The following CACNA1E variants were observed in gnomAD, a reference collection of about 807,000 sequenced individuals.
The protein encoded by CACNA1E is calcium voltage-gated channel subunit alpha1 E.
Under a neutral mutation model 259.2 loss-of-function variants are expected in CACNA1E, and 40 were observed. That is an observed-to-expected ratio of 0.15 (90% CI 0.12 to 0.20). CACNA1E has a LOEUF of 0.20. Ranked by LOEUF, CACNA1E falls within the 10% of genes least tolerant of loss-of-function variation. The pLI is 1.00. For synonymous variants in CACNA1E, 1,104 were observed against 1,138.5 expected (o/e 0.97, Z 0.61); for missense variants, 1,874 against 3,040.1 (o/e 0.62, Z 9.02).
At chr1:181,681,896 G>A (rs4375216) in intron 7 of CACNA1E, among the ~76,000 whole-genome samples, 17,914 of 152,190 alleles carry the variant, frequency 0.12, 1,104 homozygotes, top group Middle Eastern at 0.16. Flanking sequence ...TCTACAACCA[G>A]GGATGGGGAA....
Position 181,805,343 on chromosome 1 carries a change from C to T in CACNA1E, c.*6509C>T, listed in dbSNP as rs2102941522. On this transcript the variant is annotated 3_prime_UTR_variant, in exon 48 of 48. Transcript: ENST00000367573. ...GGCCTATATGGCACAAGAACCACCA[C>T]TTAAAGCAAATCTGTTGAACATTTT... 6.6e-6 allele frequency: 1 copy of T among 152,258 alleles called. No individual in the cohort carries two copies. Among genetic ancestry groups the T allele is most frequent in the African/African-American group, 2.4e-5 (1 of 41,546 alleles). The allele number at this position is 152,258 out of a possible 1,614,324, so 9.4% of individuals were successfully genotyped here.
chr1:181,508,540 T>C (rs1665910932), intron 1 of CACNA1E, among the ~76,000 whole-genome samples: 1 of 152,216 alleles, frequency 6.6e-6, no homozygotes, highest in South Asian at 2.1e-4. Context: ...ACCTAGGCTG[T>C]TCAGAAGGCT....
chr1:181,389,323 G>T (rs905828803), intron 1 of CACNA1E, among the ~76,000 whole-genome samples: 1 of 152,218 alleles, frequency 6.6e-6, no homozygotes, highest in African/African-American at 2.4e-5. Flanking sequence ...AGGGGCCCTT[G>T]TGTACAGCAT....
chr1:181,767,506 C>T (rs755557860), intron 35 of CACNA1E, among the ~76,000 whole-genome samples: 12 of 152,220 alleles, frequency 7.9e-5, no homozygotes, highest in Non-Finnish European at 1.5e-4. Context: ...CTGCCTTGGG[C>T]CTGCTGGCTG....
In CACNA1E at chr1:181,801,899, A is replaced by G. The variant is rs1406159066; in HGVS notation, c.*3065A>G. The G allele has an allele frequency of 2.6e-5, 4 of 152,280 alleles. No individual in the cohort carries two copies. The highest frequency in any genetic ancestry group is 5.9e-5 in the Non-Finnish European group (4 of 68,058). 9.4% of individuals were successfully genotyped at this position (152,280 alleles called of 1,614,324 possible). A position where few individuals can be genotyped will look rare whatever the true frequency, so the allele number is the denominator to read the frequency against. ...CTCAAAACAAGAGCAAAGCCAAGAT[A>G]GAGGAAGGTAAAAGGAGGAGGAAAG... On this transcript the variant is annotated 3_prime_UTR_variant, in exon 48 of 48. Transcript: ENST00000367573.
At chr1:181,782,811 G>A (rs1050120129) in intron 39 of CACNA1E, among the ~76,000 whole-genome samples, 1 of 152,222 alleles carries the variant, frequency 6.6e-6, no homozygotes, top group Non-Finnish European at 1.5e-5. Flanking sequence ...ACATCCAAAA[G>A]TACCAGGTGG....
At position 181,765,907 on chromosome 1, in the gene CACNA1E, C is replaced by T. The variant is rs139659731; in HGVS notation, c.4816-639C>T. On this transcript the variant is annotated intron_variant, in intron 34 of 47. Coordinates refer to ENST00000367573, the MANE Select transcript of CACNA1E (RefSeq NM_001205293.3). ...TTATCCCAAAGTGGCAATAAGCATGCGCAGTATGGAATTTTGTGCCACATG... is the reference window on the plus strand; with the variant it reads ...TTATCCCAAAGTGGCAATAAGCATGTGCAGTATGGAATTTTGTGCCACATG... Among the ~76,000 whole-genome samples the T allele has an allele frequency of 3.8e-3, 578 of 152,294 alleles. 5 individuals are homozygous for T. Among genetic ancestry groups the T allele is most frequent in the African/African-American group, 0.013 (545 of 41,552 alleles).
At chr1:181,570,367 C>G (rs567101388) in intron 3 of CACNA1E, among the ~76,000 whole-genome samples, 83 of 152,280 alleles carry the variant, frequency 5.5e-4, no homozygotes, top group African/African-American at 1.9e-3. Flanking sequence ...AACAGCAAGA[C>G]AGTTGATGTT....
At chr1:181,599,434 G>A (rs763158551) in intron 6 of CACNA1E, among the ~76,000 whole-genome samples, 3 of 152,122 alleles carry the variant, frequency 2.0e-5, no homozygotes, top group Non-Finnish European at 4.4e-5. Context: ...GATCCCTCAA[G>A]CTTCATCTTA....
At chr1:181,372,828 A>ATATATATT (rs1491221060) in intron 1 of CACNA1E, among the ~76,000 whole-genome samples, 1 of 101,642 alleles carries the variant, frequency 9.8e-6, no homozygotes, top group East Asian at 2.4e-4. Context: ...ATATATATAT[A>ATATATATT]TTTTTTTTTT....
At chr1:181,734,889 C>G (rs1446566291) in intron 21 of CACNA1E, among the ~76,000 whole-genome samples, 1 of 151,650 alleles carries the variant, frequency 6.6e-6, no homozygotes, top group Non-Finnish European at 1.5e-5. Context: ...ATGAATTCCA[C>G]ACCCTATCCT....
intron 2 of CACNA1E, among the ~76,000 whole-genome samples, chr1:181,414,134 A>G (rs1658085034): frequency 1.3e-5 from 2 of 152,112 alleles, no homozygotes; most frequent in Admixed American, 6.5e-5. Flanking sequence ...CCTGTTGAGA[A>G]TTTTGGCTTT....
chr1:181,460,305 T>C (rs114650793), intron 2 of CACNA1E, among the ~76,000 whole-genome samples: 2 of 152,246 alleles, frequency 1.3e-5, no homozygotes, highest in African/African-American at 4.8e-5. Context: ...CAGGCTACTA[T>C]CACAGTTCAG....
At chr1:181,757,909 G>C (rs373541454) in intron 30 of CACNA1E, 38 bp from the exon 31 acceptor site, 1 of 1,606,944 alleles carries the variant, frequency 6.2e-7, no homozygotes, top group Non-Finnish European at 8.5e-7. Context: ...AGATCTAGGG[G>C]ATTTGAATTT....
chr1:181,627,615 C>T (rs75500877), intron 6 of CACNA1E, among the ~76,000 whole-genome samples: 4,652 of 152,216 alleles, frequency 0.031, 101 homozygotes, highest in Non-Finnish European at 0.047. Flanking sequence ...TCAGGAGGGT[C>T]AGAGGGAATT....
At chr1:181,423,147 A>G (rs1658886041) in intron 2 of CACNA1E, among the ~76,000 whole-genome samples, 2 of 152,204 alleles carry the variant, frequency 1.3e-5, no homozygotes, top group African/African-American at 4.8e-5. Context: ...GTTTATATGT[A>G]CAGATCAAGA....
chr1:181,667,657 C>T (rs1648368767), intron 7 of CACNA1E, among the ~76,000 whole-genome samples: 1 of 151,782 alleles, frequency 6.6e-6, no homozygotes, highest in Non-Finnish European at 1.5e-5. Context: ...TCTAGAAACA[C>T]CATTTAAGAG....
intron 2 of CACNA1E, among the ~76,000 whole-genome samples, chr1:181,442,950 G>A (rs999649977): frequency 1.3e-5 from 2 of 152,146 alleles, no homozygotes; most frequent in African/African-American, 4.8e-5. Flanking sequence ...TGGTCACCCG[G>A]CCTCTCTGGC....
intron 7 of CACNA1E, among the ~76,000 whole-genome samples, chr1:181,694,566 C>T (rs1651517788): frequency 1.3e-5 from 2 of 152,314 alleles, no homozygotes; most frequent in South Asian, 4.1e-4. Context: ...GTTGCATAGG[C>T]TTTGCCATTA....
Sources: gnomAD v4.1 joint callset for allele counts (sites outside exome capture counted in the v4.1 genomes callset) on GRCh38, gnomAD v4.1.1 for gene constraint, MANE v1.5 for transcripts, NCBI Gene and HGNC (gene_info 2026-07-23, HGNC 2026-07-21) for gene names.